The following SLCO2B1 variants were observed in gnomAD, a reference collection of about 807,000 sequenced individuals.
SLCO2B1 encodes OATP-RP2.
A neutral mutation model predicts 67.3 loss-of-function variants in SLCO2B1; 41 were observed. The observed-to-expected ratio is 0.61, with a 90% CI of 0.47 to 0.79. The LOEUF (loss-of-function observed/expected upper bound fraction) is 0.79. Among genes scored for constraint, SLCO2B1 ranks in the 30% least tolerant of loss-of-function variants. SLCO2B1 has a pLI of 0.00. For missense variants in SLCO2B1, 837 were observed against 920.1 expected (o/e 0.91, Z 1.17); for synonymous variants, 379 against 381.4 (o/e 0.99, Z 0.07).
rs531171436 is a variant in SLCO2B1 at position 75,204,165 on chromosome 11, G to A, written c.1950-235G>A. The A allele has an allele frequency of 8.0e-6, 3 of 373,800 alleles. No homozygotes were observed. The South Asian group carries it at 3.3e-4, about 41-fold the overall frequency. 23.2% of individuals were successfully genotyped at this position (373,800 alleles called of 1,614,324 possible). ...GCCCTTGGGCTCGGAGAGAGGCAGG[G>A]CCAGGCCAGGCCACAGAGCAGAGTC... On this transcript the variant is annotated intron_variant, in intron 13 of 13. Transcript: ENST00000289575.
intron 10 of SLCO2B1, 111 bp downstream of exon 10, chr11:75,196,790 C>A: frequency 2.2e-6 from 2 of 924,496 alleles, no homozygotes; most frequent in South Asian, 3.5e-5. Context: ...TAGCTCTCGT[C>A]TCTCTGTCTC....
At chr11:75,204,264 C>G in intron 13 of SLCO2B1, 136 bp from the exon 14 acceptor site, 1 of 911,754 alleles carries the variant, frequency 1.1e-6, no homozygotes, top group Non-Finnish European at 1.6e-6. Context: ...TCCCCCTCCT[C>G]CAGGGAAGAG....
rs552850611 is a variant in SLCO2B1 at position 75,181,532 on chromosome 11, G to A, written c.973-6604G>A. 3.3e-5 allele frequency among the ~76,000 whole-genome samples: 5 copies of A among 152,124 alleles called. No individual in the cohort carries two copies. In the South Asian group the frequency reaches 8.3e-4, roughly 25 times the overall value. ...CCCTTCGTGATATGTGAAGGAACCC[G>A]AGGCTGGCAGAGGGTTCCATATCAC... On this transcript the variant is annotated intron_variant, in intron 7 of 13. Coordinates refer to ENST00000289575, the MANE Select transcript of SLCO2B1 (RefSeq NM_007256.5).
At position 75,191,917 on chromosome 11, in the gene SLCO2B1, G is replaced by C. The variant is rs115086177; in HGVS notation, c.1076-1301G>C. On this transcript the variant is annotated intron_variant, in intron 8 of 13. Transcript: ENST00000289575. ...GAGGAAAGGACTTACCCACCCTTTT[G>C]TGCCCTTTGGTTTAGCAGACTTGCA... Among the ~76,000 whole-genome samples the C allele has an allele frequency of 9.6e-3, 1,458 of 152,286 alleles. 21 individuals are homozygous for C. Among genetic ancestry groups the C allele is most frequent in the African/African-American group, 0.033 (1,385 of 41,552 alleles).
In SLCO2B1 at chr11:75,193,627, A is replaced by C. The variant is rs1945060184; in HGVS notation, c.1433+52A>C. On this transcript the variant is annotated intron_variant, in intron 9 of 13. Transcript: ENST00000289575. This position sits in a 1 kb window ranked among gnomAD's most constrained non-coding sequence, Gnocchi z 4.2. ...GCAAGCCTGGGAGGACAGGACAGGG[A>C]GGACAGGGGCCCTGGGCAGAGGCCA... 1 of 1,469,106 alleles carries C rather than the reference A, an allele frequency of 6.8e-7. No individual in the cohort carries two copies. The allele number at this position is 1,469,106 out of a possible 1,614,324, so 91.0% of individuals were successfully genotyped here.
intron 8 of SLCO2B1, among the ~76,000 whole-genome samples, chr11:75,192,771 C>T (rs756201114): frequency 1.3e-5 from 2 of 152,134 alleles, no homozygotes; most frequent in Non-Finnish European, 2.9e-5. Flanking sequence ...AAGGGCCAGG[C>T]ATAGTGGCTC....
intron 7 of SLCO2B1, among the ~76,000 whole-genome samples, chr11:75,181,546 G>T (rs1320784139): frequency 6.6e-6 from 1 of 152,082 alleles, no homozygotes; most frequent in Admixed American, 6.5e-5. Context: ...CTGGCAGAGG[G>T]TTCCATATCA....
At chr11:75,166,019 C>G in intron 4 of SLCO2B1, 70 bp downstream of exon 4, 2 of 1,513,642 alleles carry the variant, frequency 1.3e-6, no homozygotes, top group Non-Finnish European at 1.8e-6. Context: ...GGGCCCACCC[C>G]ACAGGCATTC....
intron 13 of SLCO2B1, chr11:75,204,121 C>A (rs546051014): frequency 1.1e-4 from 33 of 294,468 alleles, no homozygotes; most frequent in African/African-American, 7.1e-4. Context: ...TATAAAATTG[C>A]ACTTGTCAGG....
chr11:75,163,368 A>G (rs531254162), intron 2 of SLCO2B1, among the ~76,000 whole-genome samples: 3 of 152,294 alleles, frequency 2.0e-5, no homozygotes, highest in South Asian at 4.1e-4. Flanking sequence ...TTAGAGTTTC[A>G]GGAGGAGACT....
intron 7 of SLCO2B1, among the ~76,000 whole-genome samples, chr11:75,179,094 C>T (rs1277968996): frequency 6.6e-6 from 1 of 151,322 alleles, no homozygotes; most frequent in Non-Finnish European, 1.5e-5. Flanking sequence ...AGATCTCTCT[C>T]CTTTCTTTCA....
At chr11:75,169,139 A>C in intron 4 of SLCO2B1, 34 bp from the exon 5 acceptor site, 1 of 1,543,970 alleles carries the variant, frequency 6.5e-7, no homozygotes. Flanking sequence ...AGTCTTAGCT[A>C]TTGTTATAAT....
At chr11:75,180,581 T>C (rs545202719) in intron 7 of SLCO2B1, among the ~76,000 whole-genome samples, 2 of 152,370 alleles carry the variant, frequency 1.3e-5, no homozygotes, top group East Asian at 3.9e-4. Flanking sequence ...CACATTCAGG[T>C]GTGAGATGAT....
chr11:75,202,818 A>G (rs1331596057), intron 11 of SLCO2B1, 83 bp from the exon 12 acceptor site: 2 of 1,206,772 alleles, frequency 1.7e-6, no homozygotes, highest in African/African-American at 3.0e-5. Context: ...GAAGGGCATA[A>G]TAAGAACCCT....
rs182780086 is a variant in SLCO2B1, at chr11:75,187,108, A to C, written c.973-1028A>C. Reference sequence around the variant, plus strand: ...TTTTTGACTCTTATTTCCTTCTCCAAGTTGTTGGTAGGGACGTATATACTT... The same window carrying C: ...TTTTTGACTCTTATTTCCTTCTCCACGTTGTTGGTAGGGACGTATATACTT... On this transcript the variant is annotated intron_variant, in intron 7 of 13. Coordinates refer to ENST00000289575, the MANE Select transcript of SLCO2B1 (RefSeq NM_007256.5). Among the ~76,000 whole-genome samples, 246 of 152,238 alleles carry C rather than the reference A, an allele frequency of 1.6e-3. 2 individuals are homozygous for C. The highest frequency in any genetic ancestry group is 5.2e-3 in the African/African-American group (216 of 41,532).
chr11:75,154,077 C>T (rs1245504892), intron 1 of SLCO2B1, among the ~76,000 whole-genome samples: 1 of 151,690 alleles, frequency 6.6e-6, no homozygotes, highest in Non-Finnish European at 1.5e-5. Context: ...AGGCACTCAC[C>T]ACCACGCCCA....
intron 9 of SLCO2B1, 149 bp from the exon 10 acceptor site, chr11:75,196,365 G>A (rs772272738): frequency 9.6e-6 from 7 of 732,278 alleles, no homozygotes; most frequent in East Asian, 2.8e-5. Flanking sequence ...TCACTATCAC[G>A]CCATCATCGG....
intron 7 of SLCO2B1, among the ~76,000 whole-genome samples, chr11:75,173,956 C>A (rs1949995171): frequency 6.6e-6 from 1 of 152,132 alleles, no homozygotes; most frequent in Non-Finnish European, 1.5e-5. Flanking sequence ...GTGTGTGCCA[C>A]CATGCCTGGC....
Position 75,172,551 on chromosome 11 carries a change from A to T in SLCO2B1, c.954A>T (p.Thr318=). The T allele has an allele frequency of 6.2e-7, 1 of 1,614,008 alleles. No individual in the cohort carries two copies. Among genetic ancestry groups the T allele is most frequent in the Non-Finnish European group, 8.5e-7 (1 of 1,179,886 alleles). Reference sequence around the variant, plus strand: ...TTCGGCGAAAGGTCTTAGCAGTCACAGACTCACCTGCCAGGAAGGTAAGCT... The same window carrying T: ...TTCGGCGAAAGGTCTTAGCAGTCACTGACTCACCTGCCAGGAAGGTAAGCT... ...LQFRRKVLAV[T]DSPARKGKDS... is the part of the protein sequence containing the mutation. The change falls in exon 7 of 14, where the codon ACA becomes ACT. Residue 318 remains threonine (T), a synonymous_variant. Transcript: ENST00000289575.
Sources: allele counts gnomAD v4.1 joint callset (sites outside exome capture counted in the v4.1 genomes callset), GRCh38; gene constraint gnomAD v4.1.1; non-coding constraint Gnocchi (gnomAD v3.1); transcripts MANE v1.5; gene names NCBI Gene and HGNC (gene_info 2026-07-23, HGNC 2026-07-21).